Variants in ZSCAN25 observed in about 807,000 individuals in gnomAD.
The protein encoded by ZSCAN25 is zinc finger and SCAN domain containing 25.
Under a neutral mutation model 38.7 loss-of-function variants are expected in ZSCAN25, and 27 were observed. The ratio of observed to expected loss-of-function variants is 0.70; its 90% CI spans 0.51 to 0.96. ZSCAN25 has a LOEUF of 0.96. Among genes scored for constraint, ZSCAN25 ranks in the 40% least tolerant of loss-of-function variants. The pLI is 0.00. For missense variants in ZSCAN25, 637 were observed against 705.9 expected (o/e 0.90, Z 1.11); for synonymous variants, 273 against 277.7 (o/e 0.98, Z 0.17).
At chr7:99,673,910 A>G in the ZSCAN25 span, among the ~76,000 whole-genome samples, 1 of 152,374 alleles carries the variant, frequency 6.6e-6, no homozygotes, top group East Asian at 1.9e-4. Context: ...AGCCTAGTTC[A>G]GACTGAAGAC....
the ZSCAN25 span, chr7:99,715,661 TA>T: frequency 1.3e-6 from 2 of 1,592,254 alleles, no homozygotes; most frequent in African/African-American, 2.7e-5. Flanking sequence ...CATTAAACTG[TA>T]CATTTTAAGT....
At chr7:99,679,963 G>T in the ZSCAN25 span, 1 of 1,429,168 alleles carries the variant, frequency 7.0e-7, no homozygotes, top group Non-Finnish European at 9.9e-7. Context: ...TGTTTGCTGG[G>T]CTGTTTGCCT....
the ZSCAN25 span, among the ~76,000 whole-genome samples, chr7:99,731,897 C>T: frequency 6.6e-6 from 1 of 152,188 alleles, no homozygotes; most frequent in African/African-American, 2.4e-5. Context: ...ATGATTGACT[C>T]ATATTTTCCT....
the ZSCAN25 span, among the ~76,000 whole-genome samples, chr7:99,696,821 C>T: frequency 6.6e-6 from 1 of 152,154 alleles, no homozygotes; most frequent in Non-Finnish European, 1.5e-5. Context: ...GGCAGTTTCT[C>T]CTGGTTTCAC....
the ZSCAN25 span, among the ~76,000 whole-genome samples, chr7:99,669,168 A>C: frequency 6.6e-6 from 1 of 152,242 alleles, no homozygotes; most frequent in South Asian, 2.1e-4. Flanking sequence ...TTGTTCAATG[A>C]AAAGTGGACA....
At chr7:99,622,750 A>G (rs2151269317) in intron 6 of ZSCAN25, 110 bp downstream of exon 6, 1 of 995,220 alleles carries the variant, frequency 1.0e-6, no homozygotes, top group South Asian at 1.5e-5. Flanking sequence ...AAGTTGAGTC[A>G]TTCTCCCTTC....
In ZSCAN25 at chr7:99,630,398, G is replaced by C; in HGVS notation, c.*378G>C. On this transcript the variant is annotated 3_prime_UTR_variant, in exon 8 of 8. Coordinates refer to ENST00000394152, the MANE Select transcript of ZSCAN25 (RefSeq NM_145115.3). ...CTGAGGGCTCTGTCTTGCCTGCAGG[G>C]TCATAGCTCAGACTCTTCCCCCACC... 1 of 1,038,348 alleles carries C rather than the reference G, an allele frequency of 9.6e-7. No homozygotes were observed. Among genetic ancestry groups the C allele is most frequent in the Non-Finnish European group, 1.2e-6 (1 of 863,578 alleles). 64.3% of individuals were successfully genotyped at this position (1,038,348 alleles called of 1,614,324 possible). A position where few individuals can be genotyped will look rare whatever the true frequency, so the allele number is the denominator to read the frequency against.
the ZSCAN25 span, among the ~76,000 whole-genome samples, chr7:99,704,293 G>A: frequency 5.3e-5 from 8 of 151,976 alleles, no homozygotes; most frequent in Non-Finnish European, 1.2e-4. Context: ...CTACAAAAAG[G>A]CATAATTTTA....
intron 7 of ZSCAN25, among the ~76,000 whole-genome samples, chr7:99,624,797 C>T (rs1463069019): frequency 1.3e-5 from 2 of 152,052 alleles, no homozygotes; most frequent in African/African-American, 4.8e-5. Flanking sequence ...GGAGGAGCAG[C>T]GAGAGAGAGC....
the ZSCAN25 span, chr7:99,676,320 A>G: frequency 1.3e-6 from 2 of 1,570,094 alleles, no homozygotes. Flanking sequence ...TATGTACACG[A>G]TAAATAATAA....
At chr7:99,660,429 G>C in the ZSCAN25 span, 1 of 1,510,236 alleles carries the variant, frequency 6.6e-7, no homozygotes. Flanking sequence ...AATTCTCCTG[G>C]GGAGTGGTGA....
the ZSCAN25 span, among the ~76,000 whole-genome samples, chr7:99,711,585 A>G: frequency 7.2e-5 from 11 of 152,164 alleles, no homozygotes; most frequent in African/African-American, 2.7e-4. Flanking sequence ...CCTAACCAAC[A>G]TGGAGAAACC....
chr7:99,715,702 A>G, the ZSCAN25 span: 4 of 1,612,408 alleles, frequency 2.5e-6, no homozygotes, highest in African/African-American at 2.7e-5. Flanking sequence ...TTACATCTCA[A>G]TAAAGCAGTT....
the ZSCAN25 span, among the ~76,000 whole-genome samples, chr7:99,646,889 CTATCTAT>C: frequency 1.3e-5 from 2 of 150,368 alleles, no homozygotes; most frequent in Middle Eastern, 3.4e-3. Context: ...TATCTATCAA[CTATCTAT>C]TATCTATCTA....
chr7:99,619,503 T>G (rs1180685545), intron 3 of ZSCAN25, 58 bp from the exon 4 acceptor site: 20 of 1,319,936 alleles, frequency 1.5e-5, no homozygotes, highest in Non-Finnish European at 2.0e-5. Context: ...GAATATTCCT[T>G]GATGTAGAGA....
chr7:99,668,581 T>A, the ZSCAN25 span, among the ~76,000 whole-genome samples: 1 of 152,192 alleles, frequency 6.6e-6, no homozygotes, highest in Non-Finnish European at 1.5e-5. Context: ...GTATGTCACA[T>A]CCACAAATAA....
At chr7:99,633,648 C>T (rs1034796025), downstream of ZSCAN25, among the ~76,000 whole-genome samples, 16 of 152,188 alleles carry the variant, frequency 1.1e-4, no homozygotes, top group African/African-American at 3.9e-4. Flanking sequence ...TCACTGCAGC[C>T]TCAAACTGCC....
chr7:99,638,829 G>A, the ZSCAN25 span: 42 of 692,480 alleles, frequency 6.1e-5, no homozygotes, highest in African/African-American at 5.3e-4. Context: ...CAACAACGCC[G>A]CCGCCGCTGC....
the ZSCAN25 span, among the ~76,000 whole-genome samples, chr7:99,699,623 A>C: frequency 2.0e-5 from 3 of 152,090 alleles, no homozygotes; most frequent in African/African-American, 7.2e-5. Context: ...TGAGGATCAC[A>C]CTTCTCGTCT....
Sources: allele counts gnomAD v4.1 joint callset (sites outside exome capture counted in the v4.1 genomes callset), GRCh38; gene constraint gnomAD v4.1.1; transcripts MANE v1.5; gene names NCBI Gene and HGNC (gene_info 2026-07-23, HGNC 2026-07-21).